The following HPCAL1 variants were observed in gnomAD, a reference collection of about 807,000 sequenced individuals.
HPCAL1 encodes hippocalcin like 1.
In HPCAL1, 8 loss-of-function variants were observed where a neutral mutation model predicts 17.1. That is an observed-to-expected ratio of 0.47 (90% CI 0.27 to 0.84). The LOEUF is 0.84. HPCAL1 is among the 40% of genes least tolerant of loss of function. The probability of loss-of-function intolerance (pLI) is 0.13; values close to 1 mark genes in which losing one functional copy is unlikely to be tolerated. For synonymous variants in HPCAL1, 112 were observed against 111.4 expected, an observed-to-expected ratio of 1.01 and a Z score of -0.03; for missense variants, 165 against 271.1, an observed-to-expected ratio of 0.61 and a Z score of 2.75.
chr2:10,369,651 A>T (rs1477089652), intron 1 of HPCAL1, among the ~76,000 whole-genome samples: 5 of 152,202 alleles, frequency 3.3e-5, no homozygotes, highest in African/African-American at 1.2e-4. Context: ...GGCAGCCTAA[A>T]TGTAGCAGAG....
intron 1 of HPCAL1, among the ~76,000 whole-genome samples, chr2:10,341,307 A>C (rs1396426476): frequency 6.6e-6 from 1 of 152,028 alleles, no homozygotes; most frequent in Non-Finnish European, 1.5e-5. Context: ...AAAAAAATAC[A>C]AAAATTAGCC....
intron 1 of HPCAL1, among the ~76,000 whole-genome samples, chr2:10,391,439 T>C (rs1157235175): frequency 1.3e-5 from 2 of 152,346 alleles, no homozygotes; most frequent in African/African-American, 4.8e-5. Flanking sequence ...TAAATCAGCT[T>C]TGTGGAAATG....
At chr2:10,396,017 G>T (rs1422567171) in intron 1 of HPCAL1, among the ~76,000 whole-genome samples, 1 of 152,204 alleles carries the variant, frequency 6.6e-6, no homozygotes, top group Non-Finnish European at 1.5e-5. Flanking sequence ...GAGGGAGGCG[G>T]GCCCGTCCCG....
rs1036139935 is a variant in HPCAL1, at chr2:10,394,859, G to C, written c.-110-1976G>C. 6.0e-5 allele frequency among the ~76,000 whole-genome samples: 9 copies of C among 150,352 alleles called. No individual in the cohort carries two copies. Among genetic ancestry groups the C allele is most frequent in the Admixed American group, 1.3e-4 (2 of 15,154 alleles). ...CACCCAGGCTGGAGTGCAGTGGTGT[G>C]ATCTCGGCTCACTGCAACCTCAGCC... On this transcript the variant is annotated intron_variant, in intron 1 of 4. Transcript: ENST00000307845. The surrounding 1 kb of genome is among the most constrained non-coding windows in gnomAD (Gnocchi z 5.0).
intron 1 of HPCAL1, among the ~76,000 whole-genome samples, chr2:10,350,632 C>T (rs73161293): frequency 0.37 from 55,544 of 151,960 alleles, 10,607 homozygotes; most frequent in South Asian, 0.6. Flanking sequence ...CAAAGAATAC[C>T]GTCAAGAAAG....
chr2:10,328,803 C>T (rs1020828265), intron 1 of HPCAL1, among the ~76,000 whole-genome samples: 2 of 152,064 alleles, frequency 1.3e-5, no homozygotes, highest in Non-Finnish European at 2.9e-5. Context: ...CTGACTAATA[C>T]TTCCCCATCT....
chr2:10,327,527 A>G (rs1664089596), intron 1 of HPCAL1, among the ~76,000 whole-genome samples: 1 of 152,202 alleles, frequency 6.6e-6, no homozygotes. Context: ...TATTGTCAGG[A>G]TTATATGAGC....
rs753343024 is a variant in HPCAL1, at chr2:10,331,408, C to T, written c.-111+28231C>T. ...CGGGGAGCTCGGAGTTCTGCAGGCA[C>T]GGGGCTGGCTCCTTTCTTCATGTCC... is the stretch of plus-strand genomic sequence containing the variant. On this transcript the variant is annotated intron_variant, in intron 1 of 4. Transcript: ENST00000307845. This position sits in a 1 kb window ranked among gnomAD's most constrained non-coding sequence, Gnocchi z 5.0. Among the ~76,000 whole-genome samples, 198 of 152,206 alleles carry T rather than the reference C, an allele frequency of 1.3e-3. No homozygotes were observed. Among genetic ancestry groups the T allele is most frequent in the Non-Finnish European group, 2.5e-3 (169 of 68,032 alleles).
intron 2 of HPCAL1, among the ~76,000 whole-genome samples, chr2:10,408,262 G>GTCTC (rs112759274): frequency 0.072 from 10,954 of 151,460 alleles, 604 homozygotes; most frequent in African/African-American, 0.15. Flanking sequence ...GCCCTGCTGG[G>GTCTC]TCTCTCTCTC....
chr2:10,389,775 C>T (rs1668569185), intron 1 of HPCAL1, among the ~76,000 whole-genome samples: 1 of 152,160 alleles, frequency 6.6e-6, no homozygotes, highest in African/African-American at 2.4e-5. Flanking sequence ...AGTTTCTCTG[C>T]CCGTGGAATG....
Position 10,344,131 on chromosome 2 carries a change from G to T in HPCAL1, c.-111+40954G>T, listed in dbSNP as rs1665260264. Among the ~76,000 whole-genome samples, 1 of 152,192 alleles carries T rather than the reference G, an allele frequency of 6.6e-6. No individual in the cohort carries two copies. Among genetic ancestry groups the T allele is most frequent in the African/African-American group, 2.4e-5 (1 of 41,444 alleles). On this transcript the variant is annotated intron_variant, in intron 1 of 4. Coordinates refer to ENST00000307845, the MANE Select transcript of HPCAL1 (RefSeq NM_002149.4). The surrounding 1 kb of genome is among the most constrained non-coding windows in gnomAD (Gnocchi z 4.9). ...AAAAGCCAGAACAAAACAAGCAGAC[G>T]GTTGAGGACTGCAGTGAACTCATTA...
Position 10,331,665 on chromosome 2 carries a change from G to A in HPCAL1, c.-111+28488G>A, listed in dbSNP as rs190797867. ...TGAGGCTGTCTGCCCCCCACTGCAC[G>A]CCCGGCTGTCAGAGGCATCTGTCTC... On this transcript the variant is annotated intron_variant, in intron 1 of 4. Coordinates refer to ENST00000307845, the MANE Select transcript of HPCAL1 (RefSeq NM_002149.4). The surrounding 1 kb of genome is among the most constrained non-coding windows in gnomAD (Gnocchi z 5.0). Among the ~76,000 whole-genome samples, 3 of 152,256 alleles carry A rather than the reference G, an allele frequency of 2.0e-5. No individual in the cohort carries two copies. Among genetic ancestry groups the A allele is most frequent in the Admixed American group, 6.5e-5 (1 of 15,300 alleles).
rs1470858672 is a variant in HPCAL1 at position 10,384,021 on chromosome 2, A to ACC, written c.-110-12813_-110-12812insCC. ...ACACATGCATATACATCGCGTACACACACACACCCACACACACACACACCT... is the reference window on the plus strand; with the variant it reads ...ACACATGCATATACATCGCGTACACACCCACACACCCACACACACACACACCT... On this transcript the variant is annotated intron_variant, in intron 1 of 4. Transcript: ENST00000307845. This position sits in a 1 kb window ranked among gnomAD's most constrained non-coding sequence, Gnocchi z 4.4. 2.4e-5 allele frequency among the ~76,000 whole-genome samples: 2 copies of ACC among 83,154 alleles called. No homozygotes were observed. The highest frequency in any genetic ancestry group is 4.7e-5 in the Non-Finnish European group (2 of 42,670). The allele number at this position is 83,154 out of a possible 152,430, so 54.6% of individuals were successfully genotyped here.
chr2:10,397,163 C>T (rs1669106210), intron 2 of HPCAL1, among the ~76,000 whole-genome samples: 1 of 150,282 alleles, frequency 6.7e-6, no homozygotes, highest in South Asian at 2.1e-4. Context: ...CAGCTCTCGC[C>T]CTAAGCTGGC....
chr2:10,355,234 G>A (rs1008288237), intron 1 of HPCAL1, among the ~76,000 whole-genome samples: 20 of 151,914 alleles, frequency 1.3e-4, no homozygotes, highest in Middle Eastern at 3.4e-3. Flanking sequence ...GGCGGATCAC[G>A]AGGTCAGGAG....
At chr2:10,339,742 C>T (rs1335279332) in intron 1 of HPCAL1, among the ~76,000 whole-genome samples, 1 of 152,226 alleles carries the variant, frequency 6.6e-6, no homozygotes, top group Admixed American at 6.5e-5. Context: ...GAAATTGAGG[C>T]TCAGAGCATG....
chr2:10,336,092 T>C (rs1193665161), intron 1 of HPCAL1, among the ~76,000 whole-genome samples: 1 of 146,542 alleles, frequency 6.8e-6, no homozygotes, highest in Non-Finnish European at 1.5e-5. Flanking sequence ...ATTAATTGCA[T>C]GTGCGTATCT....
chr2:10,394,229 T>G lies in HPCAL1; in HGVS notation c.-110-2606T>G, dbSNP rs549662011. Among the ~76,000 whole-genome samples the G allele has an allele frequency of 6.6e-5, 10 of 152,198 alleles. No individual in the cohort carries two copies. The highest frequency in any genetic ancestry group is 2.4e-4 in the African/African-American group (10 of 41,516). ...GCGCCCCACACCCCATTTAGCCGAG[T>G]GTCACCTGAGCTGGTGTCCCGGAGT... On this transcript the variant is annotated intron_variant, in intron 1 of 4. Transcript: ENST00000307845. This position sits in a 1 kb window ranked among gnomAD's most constrained non-coding sequence, Gnocchi z 5.0.
intron 1 of HPCAL1, among the ~76,000 whole-genome samples, chr2:10,329,639 C>A (rs1053687157): frequency 6.6e-6 from 1 of 152,240 alleles, no homozygotes; most frequent in Non-Finnish European, 1.5e-5. Flanking sequence ...GTGTAAGCCA[C>A]TAGGTTGATT....
Sources: gnomAD v4.1 joint callset for allele counts (sites outside exome capture counted in the v4.1 genomes callset) on GRCh38, gnomAD v4.1.1 for gene constraint, Gnocchi (gnomAD v3.1) non-coding constraint, MANE v1.5 for transcripts, NCBI Gene and HGNC (gene_info 2026-07-23, HGNC 2026-07-21) for gene names.